The following DUSP4 variants were observed in gnomAD, a reference collection of about 807,000 sequenced individuals.
DUSP4 encodes dual specificity protein phosphatase 4.
Under a neutral mutation model 27.2 loss-of-function variants are expected in DUSP4, and 12 were observed. The ratio of observed to expected loss-of-function variants is 0.44; its 90% CI spans 0.28 to 0.71. The LOEUF is 0.71. Among genes scored for constraint, DUSP4 ranks in the 30% least tolerant of loss-of-function variants. The pLI, the probability that DUSP4 is intolerant of heterozygous loss-of-function variation, is 0.14. For synonymous variants in DUSP4, 257 were observed against 245.2 expected, an observed-to-expected ratio of 1.05 and a Z score of -0.45; for missense variants, 448 against 551.3, an observed-to-expected ratio of 0.81 and a Z score of 1.88.
intron 1 of DUSP4, chr8:29,345,441 C>G (rs200380509): frequency 6.2e-7 from 1 of 1,614,086 alleles, no homozygotes; most frequent in African/African-American, 1.3e-5. Context: ...GCTGGGGGCT[C>G]GAACTGGTTT....
At chr8:29,339,448 T>A (rs1206193854) in intron 2 of DUSP4, among the ~76,000 whole-genome samples, 2 of 152,192 alleles carry the variant, frequency 1.3e-5, no homozygotes, top group Admixed American at 6.5e-5. Flanking sequence ...ATGTATTTCA[T>A]GGCCTGCTAC....
In DUSP4 at chr8:29,336,207, TTTTC is replaced by T. The variant is rs781450783; in HGVS notation, c.*815_*818del. 10 of 151,614 alleles carry T rather than the reference TTTTC, an allele frequency of 6.6e-5. No individual in the cohort carries two copies. Among genetic ancestry groups the T allele is most frequent in the Admixed American group, 1.3e-4 (2 of 15,204 alleles). The allele number at this position is 151,614 out of a possible 1,614,324, so 9.4% of individuals were successfully genotyped here. ...AACATAGTGAGATGCTGTCTTTTTCTTTTCTTTTTTTTTTAAAAAGCAATTCAAA... is the reference window on the plus strand; with the variant it reads ...AACATAGTGAGATGCTGTCTTTTTCTTTTTTTTTTTAAAAAGCAATTCAAA... On this transcript the variant is annotated 3_prime_UTR_variant, in exon 4 of 4. Coordinates refer to ENST00000240100, the MANE Select transcript of DUSP4 (RefSeq NM_001394.7).
rs937359197 is a variant in DUSP4, at chr8:29,350,501, G to A, written c.-223C>T. 1 of 562,992 alleles carries A rather than the reference G, an allele frequency of 1.8e-6. No individual in the cohort carries two copies. Among genetic ancestry groups the A allele is most frequent in the South Asian group, 2.8e-5 (1 of 35,282 alleles). The allele number at this position is 562,992 out of a possible 1,614,324, so 34.9% of individuals were successfully genotyped here. A position where few individuals can be genotyped will look rare whatever the true frequency, so the allele number is the denominator to read the frequency against. On this transcript the variant is annotated 5_prime_UTR_variant, in exon 1 of 4. Transcript: ENST00000240100. ...TCGGAGCGGCCTCGGGCGCCCAGCC[G>A]GGCGGCGCGCAGAGCGGAGGGGGAG... is the stretch of plus-strand genomic sequence containing the variant.
intron 1 of DUSP4, chr8:29,348,095 A>T: frequency 7.1e-6 from 7 of 985,290 alleles, no homozygotes; most frequent in Non-Finnish European, 8.4e-6. Context: ...ACAAATCCAG[A>T]CTCCACGTGG....
At position 29,333,454 on chromosome 8, in the gene DUSP4, T is replaced by G. The variant is rs1383757247; in HGVS notation, c.*3572A>C. 1 of 152,224 alleles carries G rather than the reference T, an allele frequency of 6.6e-6. No homozygotes were observed. The highest frequency in any genetic ancestry group is 1.5e-5 in the Non-Finnish European group (1 of 68,046). 9.4% of individuals were successfully genotyped at this position (152,224 alleles called of 1,614,324 possible). A position where few individuals can be genotyped will look rare whatever the true frequency, so the allele number is the denominator to read the frequency against. On this transcript the variant is annotated 3_prime_UTR_variant, in exon 4 of 4. Coordinates refer to ENST00000240100, the MANE Select transcript of DUSP4 (RefSeq NM_001394.7). Reference sequence around the variant, plus strand: ...CCTTAACAAGGCTCCACAGATCAGCTGGCTTTCAAAAAGCCTGGAAGGGTG... The same window carrying G: ...CCTTAACAAGGCTCCACAGATCAGCGGGCTTTCAAAAAGCCTGGAAGGGTG...
Position 29,337,106 on chromosome 8 carries a change from G to C in DUSP4, c.1105C>G (p.Pro369Ala). The C allele has an allele frequency of 6.2e-7, 1 of 1,610,538 alleles. No homozygotes were observed. The highest frequency in any genetic ancestry group is 8.5e-7 in the Non-Finnish European group (1 of 1,178,506). ...TPTSQFVFSF[P>A]VSVGVHSAPS... is the part of the protein sequence containing the mutation. ...GCCGAGTGCACGCCCACGGAGACCGGAAAGCTGAAGACGAACTGCGAGGTG... is the reference window on the plus strand; with the variant it reads ...GCCGAGTGCACGCCCACGGAGACCGCAAAGCTGAAGACGAACTGCGAGGTG... The change falls in exon 4 of 4, where the codon CCG becomes GCG. Residue 369 changes from proline (P) to alanine (A), a missense_variant. Around this residue, in one of 3 missense-constraint regions of DUSP4, gnomAD observed 100 missense variants for 139.8 expected, o/e 0.72. Coordinates refer to ENST00000240100, the MANE Select transcript of DUSP4 (RefSeq NM_001394.7). This position sits in a 1 kb window ranked among gnomAD's most constrained non-coding sequence, Gnocchi z 6.4.
At position 29,338,340 on chromosome 8, in the gene DUSP4, C is replaced by T; in HGVS notation, c.741G>A (p.Val247=). ...EGHYQYKCIP[V]EDNHKADISS... ...TGATGTCGGCCTTGTGGTTATCTTC[C>T]ACTGGGATGCACTTGTACTGATAGT... The change falls in exon 3 of 4, where the codon GTG becomes GTA. Residue 247 remains valine (V), a synonymous_variant. Coordinates refer to ENST00000240100, the MANE Select transcript of DUSP4 (RefSeq NM_001394.7). 1 of 1,614,184 alleles carries T rather than the reference C, an allele frequency of 6.2e-7. No homozygotes were observed. Among genetic ancestry groups the T allele is most frequent in the Admixed American group, 1.7e-5 (1 of 60,018 alleles).
intron 2 of DUSP4, 124 bp downstream of exon 2, chr8:29,339,974 T>A: frequency 7.6e-7 from 1 of 1,307,474 alleles, no homozygotes; most frequent in South Asian, 1.5e-5. Context: ...CACTCCTGGG[T>A]GACAGAGCAA....
chr8:29,340,292 G>A (rs771914932), intron 1 of DUSP4, 49 bp from the exon 2 acceptor site: 1 of 1,545,968 alleles, frequency 6.5e-7, no homozygotes, highest in Non-Finnish European at 8.7e-7. Context: ...AAGCCAGCAG[G>A]AAGTCAGAAA....
At position 29,337,186 on chromosome 8, in the gene DUSP4, TC is replaced by T. The variant is rs776657488; in HGVS notation, c.1024del (p.Glu342ArgfsTer81). 1 of 1,612,958 alleles carries T rather than the reference TC, an allele frequency of 6.2e-7. No homozygotes were observed. Among genetic ancestry groups the T allele is most frequent in the Non-Finnish European group, 8.5e-7 (1 of 1,179,686 alleles). ...SQVLATSCAAEAASPSGPLRE... is the reference protein window; with the variant it reads ...SQVLATSCAAXAASPSGPLRE... The stretch of plus-strand genomic sequence containing the variant: ...CAGGGGTCCCGAGGGGCTAGCAGCC[TC>T]CGCAGCACAGGACGTGGCCAGCACC... On this transcript the variant is annotated frameshift_variant, in exon 4 of 4. Transcript: ENST00000240100. LOFTEE classifies it high-confidence loss of function. The surrounding 1 kb of genome is among the most constrained non-coding windows in gnomAD (Gnocchi z 6.4).
At chr8:29,339,321 G>A (rs1200205581) in intron 2 of DUSP4, among the ~76,000 whole-genome samples, 1 of 152,236 alleles carries the variant, frequency 6.6e-6, no homozygotes, top group Non-Finnish European at 1.5e-5. Context: ...GAAAGGGCTG[G>A]AGGGTGGGCT....
rs1287797545 is a variant in DUSP4 at position 29,349,944 on chromosome 8, C to G, written c.335G>C (p.Ser112Thr). 8 of 1,593,888 alleles carry G rather than the reference C, an allele frequency of 5.0e-6. No individual in the cohort carries two copies. The highest frequency in any genetic ancestry group is 3.4e-5 in the Admixed American group (2 of 59,172). Residue 112 changes from serine (S) to threonine (T), a missense_variant, in exon 1 of 4, where the codon AGC becomes ACC. By Grantham distance (58) the Ser-to-Thr change is moderately conservative (BLOSUM62 1). This residue lies in a region of DUSP4 where 345 missense variants were observed against 394.0 expected (regional missense o/e 0.88). Coordinates refer to ENST00000240100, the MANE Select transcript of DUSP4 (RefSeq NM_001394.7). ...CTCGCGGAGGCTCTCGGCGCGCGGGCTGCGCTCGTCGTAGACGATGACCGC... is the reference window on the plus strand; with the variant it reads ...CTCGCGGAGGCTCTCGGCGCGCGGGGTGCGCTCGTCGTAGACGATGACCGC... ...YSAVIVYDER[S>T]PRAESLREDS...
chr8:29,350,059 G>A lies in DUSP4; in HGVS notation c.220C>T (p.Arg74Trp). ...SVNVRCNTIV[R>W]RRAKGSVSLE... ...CTCACGGAGCCCTTAGCCCGCCGCC[G>A]CACGATGGTGTTACAGCGCACGTTG... is the stretch of plus-strand genomic sequence containing the variant. The change falls in exon 1 of 4, where the codon CGG (arginine) becomes TGG (tryptophan). Residue 74 changes from arginine (R) to tryptophan (W), a missense_variant. Physicochemically the swap from Arg to Trp is moderately radical, Grantham distance 101. Around this residue, in one of 3 missense-constraint regions of DUSP4, gnomAD observed 345 missense variants for 394.0 expected, o/e 0.88. Transcript: ENST00000240100. 2 of 1,600,132 alleles carry A rather than the reference G, an allele frequency of 1.2e-6. No individual in the cohort carries two copies. The highest frequency in any genetic ancestry group is 1.7e-6 in the Non-Finnish European group (2 of 1,174,862).
At chr8:29,349,528 G>A (rs1817789802) in intron 1 of DUSP4, among the ~76,000 whole-genome samples, 1 of 152,240 alleles carries the variant, frequency 6.6e-6, no homozygotes, top group Non-Finnish European at 1.5e-5. Flanking sequence ...CTGTTCCCGG[G>A]ACTCAAGATG....
At chr8:29,339,831 C>CG (rs1374317509) in intron 2 of DUSP4, among the ~76,000 whole-genome samples, 6 of 134,486 alleles carry the variant, frequency 4.5e-5, no homozygotes, top group East Asian at 2.4e-4. Context: ...TAGCAAGACC[C>CG]CCCCCCCCCA....
Position 29,335,515 on chromosome 8 carries a change from G to A in DUSP4, c.*1511C>T, listed in dbSNP as rs1587041368. 1 of 152,228 alleles carries A rather than the reference G, an allele frequency of 6.6e-6. No homozygotes were observed. The allele number at this position is 152,228 out of a possible 1,614,324, so 9.4% of individuals were successfully genotyped here. A position where few individuals can be genotyped will look rare whatever the true frequency, so the allele number is the denominator to read the frequency against. On this transcript the variant is annotated 3_prime_UTR_variant, in exon 4 of 4. Coordinates refer to ENST00000240100, the MANE Select transcript of DUSP4 (RefSeq NM_001394.7). ...TCCACACTTCGAGAAGACCTGAAAT[G>A]TGGTGTCCATTCCCCTCTTTATTCA...
In DUSP4 at chr8:29,336,875, T is replaced by C; in HGVS notation, c.*151A>G. On this transcript the variant is annotated 3_prime_UTR_variant, in exon 4 of 4. Transcript: ENST00000240100. Reference sequence around the variant, plus strand: ...ATGTATTCGGAGTCCTTATTGCCATTCTGGCTGGCCTCGTCGTTGGCCAAG... The same window carrying C: ...ATGTATTCGGAGTCCTTATTGCCATCCTGGCTGGCCTCGTCGTTGGCCAAG... The C allele has an allele frequency of 8.5e-7, 1 of 1,171,434 alleles. No individual in the cohort carries two copies. The highest frequency in any genetic ancestry group is 1.6e-5 in the African/African-American group (1 of 64,436). The allele number at this position is 1,171,434 out of a possible 1,614,324, so 72.6% of individuals were successfully genotyped here.
intron 1 of DUSP4, among the ~76,000 whole-genome samples, chr8:29,343,941 A>C (rs1817690629): frequency 6.6e-6 from 1 of 152,232 alleles, no homozygotes; most frequent in Non-Finnish European, 1.5e-5. Flanking sequence ...CCATAGCCAC[A>C]GCCCTTTCAA....
chr8:29,350,453 G>T lies in DUSP4; in HGVS notation c.-175C>A, dbSNP rs1587055574. 1 of 779,688 alleles carries T rather than the reference G, an allele frequency of 1.3e-6. No individual in the cohort carries two copies. Among genetic ancestry groups the T allele is most frequent in the Admixed American group, 3.2e-5 (1 of 31,244 alleles). The allele number at this position is 779,688 out of a possible 1,614,324, so 48.3% of individuals were successfully genotyped here. ...TCTTCTTCCCTGTCCCCTTCCTCCCGCAGCCTCGCGGTCACATAGCAGTCG... is the reference window on the plus strand; with the variant it reads ...TCTTCTTCCCTGTCCCCTTCCTCCCTCAGCCTCGCGGTCACATAGCAGTCG... On this transcript the variant is annotated 5_prime_UTR_variant, in exon 1 of 4. Coordinates refer to ENST00000240100, the MANE Select transcript of DUSP4 (RefSeq NM_001394.7).
Sources: allele counts gnomAD v4.1 joint callset (sites outside exome capture counted in the v4.1 genomes callset), GRCh38; gene constraint gnomAD v4.1.1; regional missense constraint gnomAD v4.1.1; non-coding constraint Gnocchi (gnomAD v3.1); transcripts MANE v1.5; gene names NCBI Gene and HGNC (gene_info 2026-07-23, HGNC 2026-07-21).